SESN1: variants seen among roughly 807,000 people sequenced by gnomAD.
SESN1 encodes sestrin-1.
SESN1 carries 30 observed loss-of-function variants against 59.3 expected under a neutral mutation model. That is an observed-to-expected ratio of 0.51 (90% CI 0.38 to 0.69). The LOEUF (loss-of-function observed/expected upper bound fraction) is 0.69. Among genes scored for constraint, SESN1 ranks in the 30% least tolerant of loss-of-function variants. SESN1 has a pLI of 0.00. For missense variants in SESN1, 566 were observed against 673.0 expected (o/e 0.84, Z 1.76); for synonymous variants, 197 against 219.9 (o/e 0.90, Z 0.92).
intron 1 of SESN1, among the ~76,000 whole-genome samples, chr6:109,068,559 C>G (rs1780873751): frequency 6.6e-6 from 1 of 151,874 alleles, no homozygotes; most frequent in South Asian, 2.1e-4. Context: ...AGGTCTAACA[C>G]TTAACTATTG....
intron 1 of SESN1, among the ~76,000 whole-genome samples, chr6:109,067,816 T>G (rs1450651780): frequency 2.0e-5 from 3 of 152,224 alleles, no homozygotes; most frequent in Non-Finnish European, 2.9e-5. Context: ...TATGTTCTAT[T>G]TGCCCCTGCA....
intron 1 of SESN1, among the ~76,000 whole-genome samples, chr6:109,012,462 C>G (rs1168723916): frequency 6.6e-6 from 1 of 152,124 alleles, no homozygotes; most frequent in East Asian, 1.9e-4. Context: ...ATGCACTCAG[C>G]CTTATTTTTC....
chr6:109,040,497 C>T (rs540709251), intron 1 of SESN1, among the ~76,000 whole-genome samples: 2 of 152,136 alleles, frequency 1.3e-5, no homozygotes, highest in African/African-American at 4.8e-5. Flanking sequence ...TCCTTGTGTA[C>T]ATACTTGTCC....
At chr6:109,040,377 G>T (rs914333856) in intron 1 of SESN1, among the ~76,000 whole-genome samples, 9 of 152,066 alleles carry the variant, frequency 5.9e-5, no homozygotes, top group African/African-American at 9.7e-5. Context: ...GGTTGAAGAA[G>T]GATTAAAAGG....
intron 1 of SESN1, among the ~76,000 whole-genome samples, chr6:109,065,619 G>A (rs1376168071): frequency 6.6e-6 from 1 of 151,884 alleles, no homozygotes; most frequent in Non-Finnish European, 1.5e-5. Flanking sequence ...AAGATATTGG[G>A]CCATTGTAAT....
At chr6:109,056,162 T>C (rs937472566) in intron 1 of SESN1, among the ~76,000 whole-genome samples, 6 of 152,196 alleles carry the variant, frequency 3.9e-5, no homozygotes, top group Non-Finnish European at 8.8e-5. Context: ...ATCCCTACAC[T>C]TTGGGAGGCC....
At chr6:109,068,586 C>T (rs1780874436) in intron 1 of SESN1, among the ~76,000 whole-genome samples, 3 of 151,874 alleles carry the variant, frequency 2.0e-5, no homozygotes, top group African/African-American at 7.3e-5. Context: ...AAAGGACAGA[C>T]ATAAGAGATA....
chr6:108,991,854 A>C (rs1779392239), intron 7 of SESN1, among the ~76,000 whole-genome samples: 1 of 152,210 alleles, frequency 6.6e-6, no homozygotes, highest in Non-Finnish European at 1.5e-5. Flanking sequence ...CAGAAGTAGG[A>C]ATCTTTAGCT....
intron 4 of SESN1, 127 bp from the exon 5 acceptor site, chr6:108,998,882 T>G (rs1489170950): frequency 8.5e-7 from 1 of 1,174,394 alleles, no homozygotes; most frequent in East Asian, 2.6e-5. Flanking sequence ...AATTATCATT[T>G]GAAACATGTA....
At chr6:108,997,314 A>G (rs1779520468) in intron 5 of SESN1, among the ~76,000 whole-genome samples, 1 of 152,198 alleles carries the variant, frequency 6.6e-6, no homozygotes, top group Non-Finnish European at 1.5e-5. Flanking sequence ...TAGCAAGGAG[A>G]AGAATCCATC....
chr6:109,006,398 A>G (rs576717037), intron 1 of SESN1, among the ~76,000 whole-genome samples: 8 of 151,908 alleles, frequency 5.3e-5, no homozygotes, highest in Non-Finnish European at 7.4e-5. Flanking sequence ...TGCTGCACCC[A>G]TTAACTTGTC....
At chr6:108,988,435 T>C in intron 9 of SESN1, 108 bp downstream of exon 9, 1 of 948,632 alleles carries the variant, frequency 1.1e-6, no homozygotes, top group Non-Finnish European at 1.5e-6. Flanking sequence ...ATGTTTTTCT[T>C]TGGGTTGGTA....
chr6:109,079,458 C>T (rs890942048), intron 1 of SESN1, among the ~76,000 whole-genome samples: 1 of 151,956 alleles, frequency 6.6e-6, no homozygotes, highest in Non-Finnish European at 1.5e-5. Context: ...AAACTCTGAC[C>T]TAACAAATGG....
intron 8 of SESN1, among the ~76,000 whole-genome samples, chr6:108,989,575 A>G (rs1380270456): frequency 7.5e-6 from 1 of 134,040 alleles, no homozygotes; most frequent in Non-Finnish European, 1.6e-5. Flanking sequence ...ATCTAGAGAT[A>G]TCTATATATA....
chr6:109,047,491 C>T (rs1450220005), intron 1 of SESN1, among the ~76,000 whole-genome samples: 52 of 114,234 alleles, frequency 4.6e-4, no homozygotes, highest in African/African-American at 7.1e-4. Flanking sequence ...GCCCCCTGCC[C>T]GGCCAGCCGC....
At chr6:109,009,663 A>G in intron 1 of SESN1, 1 of 608,438 alleles carries the variant, frequency 1.6e-6, no homozygotes, top group South Asian at 7.4e-5. Flanking sequence ...GTCCCCGCAA[A>G]GCACCGCCCC....
intron 1 of SESN1, among the ~76,000 whole-genome samples, chr6:109,055,720 A>G (rs1468158999): frequency 1.3e-5 from 2 of 151,950 alleles, no homozygotes; most frequent in African/African-American, 2.4e-5. Flanking sequence ...TCAATCAACA[A>G]TATGGTTCAC....
At chr6:109,080,652 A>G (rs1044884250) in intron 1 of SESN1, among the ~76,000 whole-genome samples, 4 of 152,324 alleles carry the variant, frequency 2.6e-5, no homozygotes, top group African/African-American at 4.8e-5. Flanking sequence ...AGAAAGTAAT[A>G]TATTTTTACT....
chr6:109,061,687 T>C (rs543512679), intron 1 of SESN1, among the ~76,000 whole-genome samples: 1 of 152,118 alleles, frequency 6.6e-6, no homozygotes, highest in Admixed American at 6.5e-5. Flanking sequence ...ACCTGTAGTC[T>C]TAGCTCCTCA....
Sources: gnomAD v4.1 joint callset for allele counts (sites outside exome capture counted in the v4.1 genomes callset) on GRCh38, gnomAD v4.1.1 for gene constraint, MANE v1.5 for transcripts, NCBI Gene and HGNC (gene_info 2026-07-23, HGNC 2026-07-21) for gene names.